Variants in NBAS observed in about 807,000 individuals in gnomAD.
NBAS encodes the protein NAG/BC035112 fusion.
NBAS carries 219 observed loss-of-function variants against 302.5 expected under a neutral mutation model. The observed-to-expected ratio is 0.72, with a 90% CI of 0.65 to 0.81. The LOEUF is 0.81. Among genes scored for constraint, NBAS ranks in the 30% least tolerant of loss-of-function variants. The probability of loss-of-function intolerance (pLI) is 0.00; values close to 1 mark genes in which losing one functional copy is unlikely to be tolerated. For missense variants in NBAS, 2,932 were observed against 2,841.6 expected (o/e 1.03, Z -0.72); for synonymous variants, 1,118 against 1,021.6 (o/e 1.09, Z -1.80).
chr2:14,901,782 AGACTAGAGTTAGCTCT>A, the NBAS span, among the ~76,000 whole-genome samples: 1 of 152,230 alleles, frequency 6.6e-6, no homozygotes, highest in African/African-American at 2.4e-5. Flanking sequence ...ACCAGGAATC[AGACTAGAGTTAGCTCT>A]CTCCTTCAGT....
the NBAS span, among the ~76,000 whole-genome samples, chr2:15,114,654 C>T: frequency 6.6e-6 from 1 of 152,108 alleles, no homozygotes; most frequent in East Asian, 1.9e-4. Context: ...CCATAACAGG[C>T]TCCTGGATAC....
At chr2:14,946,149 A>T in the NBAS span, among the ~76,000 whole-genome samples, 1 of 152,220 alleles carries the variant, frequency 6.6e-6, no homozygotes, top group Non-Finnish European at 1.5e-5. Context: ...AAGAGCAAAG[A>T]GTAAAAAGTT....
At chr2:14,828,711 G>T in the NBAS span, among the ~76,000 whole-genome samples, 1 of 152,196 alleles carries the variant, frequency 6.6e-6, no homozygotes, top group Non-Finnish European at 1.5e-5. Flanking sequence ...TGAGGGAGTG[G>T]CAGTGGAGCA....
chr2:15,421,593 G>T (rs1329327421), intron 23 of NBAS, among the ~76,000 whole-genome samples: 1 of 149,750 alleles, frequency 6.7e-6, no homozygotes, highest in African/African-American at 2.5e-5. Context: ...TAATCCACAT[G>T]AAACATCAAT....
the NBAS span, among the ~76,000 whole-genome samples, chr2:14,901,757 A>G: frequency 6.6e-6 from 1 of 152,324 alleles, no homozygotes; most frequent in Non-Finnish European, 1.5e-5. Context: ...CACAGCCCTC[A>G]CAAGTTTCAT....
At chr2:14,867,779 C>A in the NBAS span, among the ~76,000 whole-genome samples, 4 of 152,274 alleles carry the variant, frequency 2.6e-5, no homozygotes, top group African/African-American at 7.2e-5. Context: ...CATGTTTATA[C>A]ATTTTCTGTT....
intron 9 of NBAS, among the ~76,000 whole-genome samples, chr2:15,521,640 A>G (rs113148455): frequency 1.4e-3 from 207 of 152,246 alleles, no homozygotes; most frequent in Non-Finnish European, 2.6e-3. Flanking sequence ...ACTGACAGGT[A>G]CTCCATGCAA....
intron 29 of NBAS, among the ~76,000 whole-genome samples, chr2:15,380,312 T>C (rs1674969616): frequency 6.6e-6 from 1 of 152,166 alleles, no homozygotes; most frequent in African/African-American, 2.4e-5. Flanking sequence ...ACTCTTGGGC[T>C]CAAGCAATCC....
chr2:14,797,015 G>A, the NBAS span, among the ~76,000 whole-genome samples: 3 of 150,102 alleles, frequency 2.0e-5, no homozygotes, highest in Non-Finnish European at 3.0e-5. Flanking sequence ...GTGTGAATCC[G>A]GGAGGCGGAG....
chr2:15,312,714 T>C (rs1268263599), intron 38 of NBAS, among the ~76,000 whole-genome samples: 1 of 152,224 alleles, frequency 6.6e-6, no homozygotes, highest in African/African-American at 2.4e-5. Flanking sequence ...AATCATTCTT[T>C]ACCCAATAAC....
intron 48 of NBAS, among the ~76,000 whole-genome samples, chr2:15,195,790 A>C (rs1327342457): frequency 1.3e-5 from 2 of 152,190 alleles, no homozygotes; most frequent in Non-Finnish European, 2.9e-5. Flanking sequence ...AAAATGGTGG[A>C]GTTTAACTGG....
chr2:15,097,421 A>C, the NBAS span, among the ~76,000 whole-genome samples: 3 of 152,152 alleles, frequency 2.0e-5, no homozygotes, highest in African/African-American at 4.8e-5. Flanking sequence ...ACAACAGGCG[A>C]ACTTCTTCTG....
At chr2:15,235,409 T>C (rs1192095661) in intron 45 of NBAS, among the ~76,000 whole-genome samples, 1 of 152,174 alleles carries the variant, frequency 6.6e-6, no homozygotes, top group African/African-American at 2.4e-5. Context: ...ACAAATGTTA[T>C]ACCAAATAAT....
At chr2:14,781,409 TAAA>T in the NBAS span, among the ~76,000 whole-genome samples, 2 of 151,636 alleles carry the variant, frequency 1.3e-5, no homozygotes, top group South Asian at 4.2e-4. Flanking sequence ...CAGCCTAAAC[TAAA>T]TAAAGGCTCT....
At chr2:15,240,757 G>A (rs1449278701) in intron 44 of NBAS, among the ~76,000 whole-genome samples, 1 of 152,076 alleles carries the variant, frequency 6.6e-6, no homozygotes, top group African/African-American at 2.4e-5. Flanking sequence ...AAGTTCCGTA[G>A]TCCCCACTTC....
chr2:15,238,651 C>T lies in NBAS; in HGVS notation c.5760G>A (p.Lys1920=), dbSNP rs780974290. 3 of 1,612,324 alleles carry T rather than the reference C, an allele frequency of 1.9e-6. No homozygotes were observed. The highest frequency in any genetic ancestry group is 3.3e-4 in the Middle Eastern group (2 of 5,998). Residue 1920 remains lysine (K), a synonymous_variant, in exon 45 of 52, where the codon AAG becomes AAA. Transcript: ENST00000281513. ...TAAAATGTTTGACTGTCTTAATAGCCTTTCTAGTCATCTCTTTACGGGCTT... is the reference window on the plus strand; with the variant it reads ...TAAAATGTTTGACTGTCTTAATAGCTTTTCTAGTCATCTCTTTACGGGCTT... ...SVEARKEMTR[K]AIKTVKHFIE... is the part of the protein sequence containing the mutation.
intron 9 of NBAS, among the ~76,000 whole-genome samples, chr2:15,513,809 T>C (rs999373471): frequency 1.5e-4 from 22 of 150,960 alleles, no homozygotes; most frequent in Middle Eastern, 3.2e-3. Flanking sequence ...GGCAACATAG[T>C]GAGATCTCAT....
At chr2:15,345,895 A>C (rs1260387109) in intron 35 of NBAS, among the ~76,000 whole-genome samples, 1 of 152,226 alleles carries the variant, frequency 6.6e-6, no homozygotes, top group African/African-American at 2.4e-5. Context: ...GACAGAAAGA[A>C]GAAATGGGGA....
chr2:14,910,281 T>G, the NBAS span, among the ~76,000 whole-genome samples: 1 of 152,164 alleles, frequency 6.6e-6, no homozygotes, highest in South Asian at 2.1e-4. Context: ...GAGGACCAGT[T>G]GCCCAAAGTC....
Sources: gnomAD v4.1 joint callset for allele counts (sites outside exome capture counted in the v4.1 genomes callset) on GRCh38, gnomAD v4.1.1 for gene constraint, MANE v1.5 for transcripts, NCBI Gene and HGNC (gene_info 2026-07-23, HGNC 2026-07-21) for gene names.